ZFAND3: variants seen among roughly 807,000 people sequenced by gnomAD.
ZFAND3 encodes the protein zinc finger AN1-type containing 3, also known as AN1-type zinc finger protein 3.
ZFAND3 carries 10 observed loss-of-function variants against 29.6 expected under a neutral mutation model. That is an observed-to-expected ratio of 0.34 (90% CI 0.21 to 0.57). ZFAND3 has a LOEUF of 0.57. Among genes scored for constraint, ZFAND3 ranks in the 20% least tolerant of loss-of-function variants. ZFAND3 has a pLI of 0.86. For missense variants in ZFAND3, 230 were observed against 304.5 expected, an observed-to-expected ratio of 0.76 and a Z score of 1.82; for synonymous variants, 128 against 112.6, an observed-to-expected ratio of 1.14 and a Z score of -0.87.
rs953140530 is a variant in ZFAND3 at position 37,889,242 on chromosome 6, A to G, written c.72-40717A>G. On this transcript the variant is annotated intron_variant, in intron 1 of 5. Transcript: ENST00000287218. ...AAGCTTTCCTTCGTCTCTATTTTCT[A>G]TATTAATGGGGAATAAAACTTTCCC... Among the ~76,000 whole-genome samples the G allele has an allele frequency of 3.3e-5, 5 of 152,190 alleles. No homozygotes were observed. In the East Asian group the frequency reaches 5.8e-4, roughly 18 times the overall value.
intron 1 of ZFAND3, among the ~76,000 whole-genome samples, chr6:37,882,244 C>A (rs543890362): frequency 1.5e-4 from 23 of 152,096 alleles, no homozygotes; most frequent in Non-Finnish European, 1.8e-4. Flanking sequence ...ATAGAAATGA[C>A]TAGTAATGAT....
chr6:37,884,494 C>CAAA (rs58015486), intron 1 of ZFAND3, among the ~76,000 whole-genome samples: 58 of 53,808 alleles, frequency 1.1e-3, no homozygotes, highest in South Asian at 2.4e-3. Flanking sequence ...AACTCTAGCT[C>CAAA]AAAAAAAAAA....
chr6:37,877,145 A>G (rs1052754075), intron 1 of ZFAND3, among the ~76,000 whole-genome samples: 8 of 152,228 alleles, frequency 5.3e-5, no homozygotes, highest in African/African-American at 1.2e-4. Flanking sequence ...GTGGGAATCA[A>G]TAAAGTGGGT....
intron 5 of ZFAND3, among the ~76,000 whole-genome samples, chr6:38,137,807 C>T (rs2127493924): frequency 6.6e-6 from 1 of 152,178 alleles, no homozygotes; most frequent in Non-Finnish European, 1.5e-5. Context: ...AGAACAAAGG[C>T]CCTGGAGGGA....
chr6:37,867,229 A>G (rs1481359791), intron 1 of ZFAND3, among the ~76,000 whole-genome samples: 1 of 152,246 alleles, frequency 6.6e-6, no homozygotes, highest in Non-Finnish European at 1.5e-5. Flanking sequence ...GTAAAGAAGC[A>G]GATCTAACCT....
rs948823981 is a variant in ZFAND3, at chr6:38,080,490, A to T, written c.296-1902A>T. Among the ~76,000 whole-genome samples the T allele has an allele frequency of 1.6e-4, 24 of 152,100 alleles. No homozygotes were observed. The South Asian group carries it at 1.7e-3, about 11-fold the overall frequency. ...GGAAGAGAAAGTGATAATACATAATATAAAGTTTTATGGTTTATGACATCT... is the reference window on the plus strand; with the variant it reads ...GGAAGAGAAAGTGATAATACATAATTTAAAGTTTTATGGTTTATGACATCT... On this transcript the variant is annotated intron_variant, in intron 3 of 5. Transcript: ENST00000287218.
chr6:37,887,329 A>G (rs974903510), intron 1 of ZFAND3, among the ~76,000 whole-genome samples: 2 of 152,260 alleles, frequency 1.3e-5, no homozygotes, highest in African/African-American at 4.8e-5. Flanking sequence ...TGTATTAAAT[A>G]TGTAATAATC....
At chr6:37,906,462 C>CT (rs921121585) in intron 1 of ZFAND3, among the ~76,000 whole-genome samples, 3 of 152,110 alleles carry the variant, frequency 2.0e-5, no homozygotes, top group Non-Finnish European at 4.4e-5. Flanking sequence ...TCCCTTCCAC[C>CT]TTTTGGCTGT....
chr6:38,082,181 T>C (rs866325007), intron 3 of ZFAND3, among the ~76,000 whole-genome samples: 1 of 150,812 alleles, frequency 6.6e-6, no homozygotes, highest in Non-Finnish European at 1.5e-5. Context: ...TGTTAGAATG[T>C]AGAAAGACTA....
At chr6:37,848,822 A>G (rs1227971818) in intron 1 of ZFAND3, among the ~76,000 whole-genome samples, 1 of 152,052 alleles carries the variant, frequency 6.6e-6, no homozygotes, top group East Asian at 1.9e-4. Flanking sequence ...TGGTGTCTCG[A>G]TGCTGGTAGT....
intron 2 of ZFAND3, among the ~76,000 whole-genome samples, chr6:38,022,331 G>A (rs116387621): frequency 1.3e-5 from 2 of 152,176 alleles, no homozygotes; most frequent in African/African-American, 4.8e-5. Context: ...GAAAGAAAAT[G>A]CTTTTTGTTT....
At chr6:37,854,043 C>T (rs1229902178) in intron 1 of ZFAND3, among the ~76,000 whole-genome samples, 1 of 152,138 alleles carries the variant, frequency 6.6e-6, no homozygotes, top group South Asian at 2.1e-4. Context: ...CCTCCGCCTC[C>T]TGGGTTCAAG....
chr6:38,120,111 T>G (rs114231523), intron 5 of ZFAND3, among the ~76,000 whole-genome samples: 1 of 152,284 alleles, frequency 6.6e-6, no homozygotes, highest in Non-Finnish European at 1.5e-5. Context: ...AGAAAACAGT[T>G]GCCTGAAAAT....
intron 1 of ZFAND3, among the ~76,000 whole-genome samples, chr6:37,848,877 A>G (rs1764231152): frequency 6.6e-6 from 1 of 152,138 alleles, no homozygotes; most frequent in South Asian, 2.1e-4. Flanking sequence ...CAGGCATAAG[A>G]GAATTGTTGA....
At chr6:38,034,593 CAA>C (rs1316433659) in intron 2 of ZFAND3, among the ~76,000 whole-genome samples, 4 of 152,042 alleles carry the variant, frequency 2.6e-5, no homozygotes, top group Non-Finnish European at 5.9e-5. Context: ...TAAAAATAAA[CAA>C]GATCATTTTT....
chr6:38,138,193 AAC>A (rs1228448333), intron 5 of ZFAND3, among the ~76,000 whole-genome samples: 1 of 152,166 alleles, frequency 6.6e-6, no homozygotes, highest in Non-Finnish European at 1.5e-5. Flanking sequence ...CTGGGAGAGA[AAC>A]ACATGCTTGT....
intron 2 of ZFAND3, among the ~76,000 whole-genome samples, chr6:37,961,491 T>C (rs749461812): frequency 2.6e-5 from 4 of 152,214 alleles, no homozygotes; most frequent in Non-Finnish European, 4.4e-5. Flanking sequence ...TGTAGAGCCC[T>C]AGGACACTGA....
intron 2 of ZFAND3, among the ~76,000 whole-genome samples, chr6:37,931,439 G>A (rs1218015760): frequency 2.0e-5 from 3 of 151,990 alleles, no homozygotes; most frequent in Non-Finnish European, 2.9e-5. Context: ...CAGCTACTCC[G>A]GAGGCTGAGG....
At chr6:38,087,168 C>T (rs972093989) in intron 4 of ZFAND3, among the ~76,000 whole-genome samples, 1 of 152,180 alleles carries the variant, frequency 6.6e-6, no homozygotes, top group Non-Finnish European at 1.5e-5. Flanking sequence ...CCCTGTCTCT[C>T]TCCACATACA....
Sources: gnomAD v4.1 joint callset for allele counts (sites outside exome capture counted in the v4.1 genomes callset) on GRCh38, gnomAD v4.1.1 for gene constraint, MANE v1.5 for transcripts, NCBI Gene and HGNC (gene_info 2026-07-23, HGNC 2026-07-21) for gene names.